Variants in NIN observed in about 807,000 individuals in gnomAD.
NIN encodes ninein, also known as glycogen synthase kinase 3 beta-interacting protein.
In NIN, 137 loss-of-function variants were observed where a neutral mutation model predicts 257.6. The observed-to-expected ratio is 0.53, with a 90% CI of 0.46 to 0.61. The LOEUF (loss-of-function observed/expected upper bound fraction) is 0.61. Ranked by LOEUF, NIN falls within the 20% of genes least tolerant of loss-of-function variation. NIN has a pLI of 0.00. For missense variants in NIN, 2,439 were observed against 2,501.2 expected (o/e 0.98, Z 0.53); for synonymous variants, 918 against 919.8 (o/e 1.00, Z 0.04).
At chr14:50,734,706 G>A (rs2040890389) in intron 28 of NIN, among the ~76,000 whole-genome samples, 1 of 152,028 alleles carries the variant, frequency 6.6e-6, no homozygotes, top group African/African-American at 2.4e-5. Context: ...TTGAGACAGG[G>A]TCTCTCACTG....
chr14:50,762,721 T>A (rs2042321108), intron 15 of NIN, among the ~76,000 whole-genome samples: 1 of 152,146 alleles, frequency 6.6e-6, no homozygotes, highest in South Asian at 2.1e-4. Flanking sequence ...AGATTATGAC[T>A]AATCTCTTAA....
In NIN at chr14:50,806,792, T is replaced by A. The variant is rs751756945; in HGVS notation, c.210A>T (p.Ala70=). The A allele has an allele frequency of 1.3e-6, 2 of 1,572,386 alleles. No individual in the cohort carries two copies. The highest frequency in any genetic ancestry group is 8.7e-7 in the Non-Finnish European group (1 of 1,144,494). Residue 70 remains alanine (A), a synonymous_variant, in exon 4 of 31, where the codon GCA becomes GCT. Coordinates refer to ENST00000530997, the MANE Select transcript of NIN (RefSeq NM_020921.4). ...GRVHFDQFKE[A]LILILSRTLS... is the part of the protein sequence containing the mutation. Reference sequence around the variant, plus strand: ...GAGTTCTGGACAAGATGAGTATTAATGCTTCTTTAAATTGGTCAAAATGTA... The same window carrying A: ...GAGTTCTGGACAAGATGAGTATTAAAGCTTCTTTAAATTGGTCAAAATGTA...
rs761944455 is a variant in NIN at position 50,757,738 on chromosome 14, A to G, written c.3292T>C (p.Leu1098=). 1.2e-6 allele frequency: 2 copies of G among 1,614,060 alleles called. No homozygotes were observed. The highest frequency in any genetic ancestry group is 1.7e-6 in the Non-Finnish European group (2 of 1,180,040). ...GAAGACATTACTAACCCTGGCTCTA[A>G]CTTTTGTAGCCTCTGTTGCAATCTA... ...ISRLQQRLQK[L]EPGLVMSSCL... is the part of the protein sequence containing the mutation. Residue 1098 remains leucine, a synonymous_variant, in exon 18 of 31, where the codon TTA becomes CTA. Transcript: ENST00000530997.
intron 5 of NIN, among the ~76,000 whole-genome samples, chr14:50,789,519 C>A (rs72683629): frequency 0.067 from 10,160 of 152,182 alleles, 460 homozygotes; most frequent in South Asian, 0.18. Flanking sequence ...TCCAACGAGC[C>A]GAGGTTGCGC....
At chr14:50,791,933 A>T (rs1435781453) in intron 5 of NIN, 1 of 152,192 alleles carries the variant, frequency 6.6e-6, no homozygotes, top group Non-Finnish European at 1.5e-5. Flanking sequence ...CTGTAGCCCC[A>T]GTCTGAGCTG....
rs781307106 is a variant in NIN at position 50,723,613 on chromosome 14, C to T, written c.6252G>A (p.Gln2084=). ...MVKDLYVENA[Q]LLKALEVTEQ... ...CAGTCACTTCCAGAGCTTTCAACAA[C>T]TGGGCATTTTCAACATACAAGTCCT... The change falls in exon 31 of 31, where the codon CAG becomes CAA. Residue 2084 remains glutamine, a synonymous_variant. Transcript: ENST00000530997. 9 of 1,613,766 alleles carry T rather than the reference C, an allele frequency of 5.6e-6. 1 individual carries two copies. In the South Asian group the frequency reaches 9.9e-5, roughly 18 times the overall value.
At chr14:50,785,360 C>T (rs562938628) in intron 5 of NIN, among the ~76,000 whole-genome samples, 1 of 152,370 alleles carries the variant, frequency 6.6e-6, no homozygotes, top group South Asian at 2.1e-4. Context: ...CTTTGCGCCC[C>T]GCAGAATGTA....
At chr14:50,744,582 G>T (rs1018389664) in intron 22 of NIN, among the ~76,000 whole-genome samples, 3 of 152,222 alleles carry the variant, frequency 2.0e-5, no homozygotes, top group African/African-American at 7.2e-5. Context: ...TGCTTAGGTA[G>T]ATTGAACCAG....
At chr14:50,798,980 C>T (rs1373688836) in intron 4 of NIN, among the ~76,000 whole-genome samples, 4 of 152,162 alleles carry the variant, frequency 2.6e-5, no homozygotes, top group Non-Finnish European at 5.9e-5. Context: ...GGTTTCACCA[C>T]GTTGGCCAGA....
intron 5 of NIN, among the ~76,000 whole-genome samples, chr14:50,786,114 A>C (rs1056478058): frequency 6.6e-6 from 1 of 152,180 alleles, no homozygotes; most frequent in Non-Finnish European, 1.5e-5. Context: ...GGAAATGCTG[A>C]ATTTAAGAGT....
intron 12 of NIN, among the ~76,000 whole-genome samples, chr14:50,769,714 C>A (rs183347648): frequency 8.8e-4 from 134 of 152,238 alleles, no homozygotes; most frequent in African/African-American, 3.0e-3. Context: ...GTTGGCCAGG[C>A]TGGTCTCGAA....
chr14:50,764,157 T>A (rs995943846), intron 14 of NIN, among the ~76,000 whole-genome samples, 193 bp from the exon 15 acceptor site: 1 of 152,220 alleles, frequency 6.6e-6, no homozygotes, highest in African/African-American at 2.4e-5. Flanking sequence ...ATAAAGACTA[T>A]TATAGCTCAA....
chr14:50,744,200 T>C (rs1372925495), intron 23 of NIN, 43 bp downstream of exon 23: 1 of 1,604,190 alleles, frequency 6.2e-7, no homozygotes, highest in Non-Finnish European at 8.5e-7. Context: ...CATTATGGTG[T>C]GTATTGTATA....
intron 2 of NIN, among the ~76,000 whole-genome samples, chr14:50,823,922 A>G (rs1595951842): frequency 6.6e-6 from 1 of 152,344 alleles, no homozygotes; most frequent in African/African-American, 2.4e-5. Context: ...AGGAGTTAAG[A>G]ATTTAGACAA....
Position 50,761,774 on chromosome 14 carries a change from G to T in NIN, c.1896+16C>A. ...CCAAAAGAAATTAGAGAAGTGGATT[G>T]GTGGGAAGGACTTACTTTATCTTCG... is the stretch of plus-strand genomic sequence containing the variant. On this transcript the variant is annotated intron_variant, in intron 16 of 30. Coordinates refer to ENST00000530997, the MANE Select transcript of NIN (RefSeq NM_020921.4). 6.2e-7 allele frequency: 1 copy of T among 1,613,896 alleles called. No individual in the cohort carries two copies. The highest frequency in any genetic ancestry group is 8.5e-7 in the Non-Finnish European group (1 of 1,179,858).
chr14:50,771,442 G>A lies in NIN; in HGVS notation c.1008C>T (p.Asn336=), dbSNP rs765509452. The part of the protein sequence containing the change: ...LKALDFSLDG[N]INLTELTLAL... ...CCAGTGTTAATTCTGTCAAATTGAT[G>A]TTTCCATCGAGGCTGAAATCCAAGG... The change falls in exon 10 of 31, where the codon AAC becomes AAT. Residue 336 remains asparagine, a synonymous_variant. Coordinates refer to ENST00000530997, the MANE Select transcript of NIN (RefSeq NM_020921.4). 7 of 1,614,114 alleles carry A rather than the reference G, an allele frequency of 4.3e-6. No homozygotes were observed. The South Asian group carries it at 6.6e-5, about 15-fold the overall frequency.
chr14:50,770,761 C>A, intron 11 of NIN, 91 bp downstream of exon 11: 1 of 1,463,744 alleles, frequency 6.8e-7, no homozygotes. Flanking sequence ...CAGAAGAGTC[C>A]CCAGTGCACT....
At chr14:50,804,287 G>A (rs1007774676) in intron 4 of NIN, among the ~76,000 whole-genome samples, 4 of 151,900 alleles carry the variant, frequency 2.6e-5, no homozygotes, top group African/African-American at 9.7e-5. Context: ...AGGAGAAATT[G>A]GCAAAAGACA....
At chr14:50,811,113 T>C (rs1384737178) in intron 3 of NIN, among the ~76,000 whole-genome samples, 1 of 147,540 alleles carries the variant, frequency 6.8e-6, no homozygotes. Context: ...AGCTATTACT[T>C]TTTTTTTTTT....
Sources: allele counts gnomAD v4.1 joint callset (sites outside exome capture counted in the v4.1 genomes callset), GRCh38; gene constraint gnomAD v4.1.1; transcripts MANE v1.5; gene names NCBI Gene and HGNC (gene_info 2026-07-23, HGNC 2026-07-21).